CROCC2: variants seen among roughly 807,000 people sequenced by gnomAD.
CROCC2 encodes the protein ciliary rootlet coiled-coil, rootletin family member 2.
A neutral mutation model predicts 177.6 loss-of-function variants in CROCC2; 163 were observed. The ratio of observed to expected loss-of-function variants is 0.92; its 90% CI spans 0.81 to 1.05. CROCC2 has a LOEUF of 1.05. CROCC2 is among the 50% of genes least tolerant of loss of function. CROCC2 has a pLI of 0.00. For missense variants in CROCC2, 1,929 were observed against 1,797.8 expected, an observed-to-expected ratio of 1.07 and a Z score of -1.32; for synonymous variants, 904 against 787.3, an observed-to-expected ratio of 1.15 and a Z score of -2.48.
chr2:240,952,931 T>C (rs1213062988), intron 18 of CROCC2, among the ~76,000 whole-genome samples: 1 of 151,986 alleles, frequency 6.6e-6, no homozygotes, highest in Non-Finnish European at 1.5e-5. Context: ...TTATTCCCAT[T>C]GGATATATGA....
chr2:240,964,772 C>G, intron 22 of CROCC2, 147 bp downstream of exon 22: 1 of 1,032,288 alleles, frequency 9.7e-7, no homozygotes, highest in Non-Finnish European at 1.4e-6. Flanking sequence ...CCTGCTCAGG[C>G]TCACAGGGTC....
intron 18 of CROCC2, among the ~76,000 whole-genome samples, chr2:240,951,341 A>G (rs1000336839): frequency 9.3e-5 from 14 of 150,420 alleles, no homozygotes; most frequent in African/African-American, 2.9e-4. Context: ...TCATCCTTCC[A>G]TCCTCCCATC....
intron 21 of CROCC2, 48 bp downstream of exon 21, chr2:240,963,821 C>T (rs1195368466): frequency 1.3e-6 from 2 of 1,529,250 alleles, no homozygotes; most frequent in South Asian, 1.2e-5. Context: ...CAGCCTGCTG[C>T]CCACCCAGGC....
Position 240,965,960 on chromosome 2 carries a change from G to A in CROCC2, c.3928G>A (p.Ala1310Thr), listed in dbSNP as rs372111954. The change falls in exon 24 of 32, where the codon GCC (alanine) becomes ACC (threonine). Residue 1310 changes from alanine to threonine, a missense_variant. By Grantham distance (58) the Ala-to-Thr change is moderately conservative. Around this residue, in one of 3 missense-constraint regions of CROCC2, gnomAD observed 144 missense variants for 205.2 expected, o/e 0.70. Coordinates refer to ENST00000690015, the MANE Select transcript of CROCC2 (RefSeq NM_001351305.2). ...GGGGCTCCAGAGACAGAGCCCGTGG[G>A]CCTCCCCGGAGCAGCCTGGTTCCCC... The part of the protein sequence containing the change: ...GLGLQRQSPW[A>T]SPEQPGSPTK... The A allele has an allele frequency of 3.6e-6, 5 of 1,392,694 alleles. No individual in the cohort carries two copies. The highest frequency in any genetic ancestry group is 2.9e-5 in the African/African-American group (2 of 67,986). The allele number at this position is 1,392,694 out of a possible 1,614,324, so 86.3% of individuals were successfully genotyped here. A position where few individuals can be genotyped will look rare whatever the true frequency, so the allele number is the denominator to read the frequency against.
In CROCC2 at chr2:240,955,840, C is replaced by A; in HGVS notation, c.2830-19C>A. 1.3e-6 allele frequency: 2 copies of A among 1,518,526 alleles called. No homozygotes were observed. Among genetic ancestry groups the A allele is most frequent in the Non-Finnish European group, 1.8e-6 (2 of 1,132,184 alleles). The allele number at this position is 1,518,526 out of a possible 1,614,324, so 94.1% of individuals were successfully genotyped here. On this transcript the variant is annotated intron_variant, in intron 18 of 31. Transcript: ENST00000690015. ...CGAGACTCCCCAACTTTCTCACAAG[C>A]ATACCCCGTCCTGTTCAGGCCCTGT...
chr2:240,986,468 G>A (rs920581408), intron 28 of CROCC2, among the ~76,000 whole-genome samples: 1 of 152,080 alleles, frequency 6.6e-6, no homozygotes, highest in Non-Finnish European at 1.5e-5. Flanking sequence ...AGGAGAGCCA[G>A]AGGTCAAGGT....
chr2:240,988,931 C>G (rs2059858615), intron 29 of CROCC2, 61 bp downstream of exon 29: 3 of 1,334,322 alleles, frequency 2.2e-6, no homozygotes, highest in African/African-American at 1.5e-5. Flanking sequence ...GGGGTGGGAT[C>G]CAGGAGGGTG....
In CROCC2 at chr2:240,949,095, A is replaced by C. The variant is rs1370367783; in HGVS notation, c.2480A>C (p.Gln827Pro). The C allele has an allele frequency of 6.5e-7, 1 of 1,536,076 alleles. No individual in the cohort carries two copies. The highest frequency in any genetic ancestry group is 2.4e-5 in the East Asian group (1 of 40,826). ...RSAGLARQAL[Q>P]VEMEQLQSDW... ...GCAGGACTCGCGCGGCAGGCCTTGC[A>C]AGGTGCTCCAAGGGCGCTCCCTCAG... The change falls in exon 16 of 32, where the codon CAA (glutamine) becomes CCA (proline). Residue 827 changes from glutamine (Q) to proline (P), a missense_variant and splice_region_variant. Physicochemically the swap from Gln to Pro is moderately conservative, Grantham distance 76 (BLOSUM62 -1). Transcript: ENST00000690015. The surrounding 1 kb of genome is among the most constrained non-coding windows in gnomAD (Gnocchi z 4.5).
intron 15 of CROCC2, 59 bp downstream of exon 15, chr2:240,946,312 G>A: frequency 1.4e-6 from 2 of 1,437,492 alleles, no homozygotes. Context: ...CAGAGAGTCT[G>A]CAGTGTGGCA....
At chr2:240,931,391 C>A (rs1301948451) in intron 7 of CROCC2, among the ~76,000 whole-genome samples, 1 of 152,200 alleles carries the variant, frequency 6.6e-6, no homozygotes, top group Non-Finnish European at 1.5e-5. Context: ...GGGACTGCGT[C>A]CTGGGGGTCA....
At chr2:240,980,252 G>C (rs2059789571) in intron 27 of CROCC2, among the ~76,000 whole-genome samples, 1 of 63,016 alleles carries the variant, frequency 1.6e-5, no homozygotes, top group Non-Finnish European at 2.9e-5. Flanking sequence ...TCAGTCTCTG[G>C]GGTAGGAGCC....
intron 14 of CROCC2, among the ~76,000 whole-genome samples, chr2:240,937,164 G>C (rs974638327): frequency 2.6e-5 from 4 of 152,112 alleles, no homozygotes; most frequent in African/African-American, 9.7e-5. Context: ...CTGCCTTCTC[G>C]ACATTTGGTA....
At chr2:240,968,047 C>G (rs2059695484) in intron 26 of CROCC2, 82 bp from the exon 27 acceptor site, 1 of 1,306,354 alleles carries the variant, frequency 7.7e-7, no homozygotes, top group Non-Finnish European at 9.8e-7. Context: ...GCCAGTCACT[C>G]AAGTCCACAG....
chr2:240,929,637 T>C (rs1335514172), intron 5 of CROCC2: 1 of 455,334 alleles, frequency 2.2e-6, no homozygotes, highest in Non-Finnish European at 4.4e-6. Context: ...CTTGCTTCTG[T>C]GTCCCTGGCA....
At position 240,960,709 on chromosome 2, in the gene CROCC2, G is replaced by A. The variant is rs947562586; in HGVS notation, c.3087+1265G>A. ...CACACCACGCCCCAGAGGCCGGGCC[G>A]GCCGGCAGGGGAGAGTGAGAAGAGG... On this transcript the variant is annotated intron_variant, in intron 20 of 31. Coordinates refer to ENST00000690015, the MANE Select transcript of CROCC2 (RefSeq NM_001351305.2). The surrounding 1 kb of genome is among the most constrained non-coding windows in gnomAD (Gnocchi z 5.0). 2.6e-5 allele frequency among the ~76,000 whole-genome samples: 4 copies of A among 152,250 alleles called. No homozygotes were observed. The highest frequency in any genetic ancestry group is 4.8e-5 in the African/African-American group (2 of 41,568).
At position 240,949,411 on chromosome 2, in the gene CROCC2, A is replaced by AC; in HGVS notation, c.2483-119dup. 1 of 1,245,202 alleles carries AC rather than the reference A, an allele frequency of 8.0e-7. No individual in the cohort carries two copies. The highest frequency in any genetic ancestry group is 1.1e-6 in the Non-Finnish European group (1 of 899,610). The allele number at this position is 1,245,202 out of a possible 1,614,324, so 77.1% of individuals were successfully genotyped here. ...CAGCCCACCCTGCCATGTGCTGGCC[A>AC]CCCACTCCCGGAGCCTGGAGTGGAC... On this transcript the variant is annotated intron_variant, in intron 16 of 31. Coordinates refer to ENST00000690015, the MANE Select transcript of CROCC2 (RefSeq NM_001351305.2). This position sits in a 1 kb window ranked among gnomAD's most constrained non-coding sequence, Gnocchi z 4.5.
rs533500900 is a variant in CROCC2 at position 240,914,420 on chromosome 2, C to T, written c.79-4306C>T. 2.0e-5 allele frequency among the ~76,000 whole-genome samples: 3 copies of T among 152,226 alleles called. No homozygotes were observed. In the East Asian group the frequency reaches 5.8e-4, roughly 29 times the overall value. On this transcript the variant is annotated intron_variant, in intron 1 of 31. Transcript: ENST00000690015. ...CGATGCTGGCGCGCGCCTTCACTCTCGTGGACACACATCTTTCATTTTCCA... is the reference window on the plus strand; with the variant it reads ...CGATGCTGGCGCGCGCCTTCACTCTTGTGGACACACATCTTTCATTTTCCA...
intron 27 of CROCC2, among the ~76,000 whole-genome samples, chr2:240,970,704 G>C (rs1433522580): frequency 1.3e-5 from 2 of 152,134 alleles, no homozygotes; most frequent in African/African-American, 2.4e-5. Flanking sequence ...CTGCTCCCCA[G>C]GGGGGCTCTG....
At chr2:240,914,938 G>A (rs962706390) in intron 1 of CROCC2, among the ~76,000 whole-genome samples, 8 of 152,226 alleles carry the variant, frequency 5.3e-5, no homozygotes, top group African/African-American at 9.6e-5. Context: ...CCAAGGTGAT[G>A]CCCCAGGCGC....
Sources: allele counts gnomAD v4.1 joint callset (sites outside exome capture counted in the v4.1 genomes callset), GRCh38; gene constraint gnomAD v4.1.1; regional missense constraint gnomAD v4.1.1; non-coding constraint Gnocchi (gnomAD v3.1); transcripts MANE v1.5; gene names NCBI Gene and HGNC (gene_info 2026-07-23, HGNC 2026-07-21).